SORCS1: variants seen among roughly 807,000 people sequenced by gnomAD.
SORCS1 encodes VPS10 domain-containing receptor SorCS1.
SORCS1 carries 60 observed loss-of-function variants against 146.1 expected under a neutral mutation model. That is an observed-to-expected ratio of 0.41 (90% CI 0.33 to 0.51). SORCS1 has a LOEUF of 0.51. Among genes scored for constraint, SORCS1 ranks in the 20% least tolerant of loss-of-function variants. The probability of loss-of-function intolerance (pLI) is 0.21; values close to 1 mark genes in which losing one functional copy is unlikely to be tolerated. For missense variants in SORCS1, 1,352 were observed against 1,487.6 expected, an observed-to-expected ratio of 0.91 and a Z score of 1.50; for synonymous variants, 637 against 584.0, an observed-to-expected ratio of 1.09 and a Z score of -1.31.
intron 1 of SORCS1, among the ~76,000 whole-genome samples, chr10:107,053,506 T>C (rs1960325016): frequency 6.6e-6 from 1 of 152,180 alleles, no homozygotes; most frequent in South Asian, 2.1e-4. Context: ...AGTTGTATAT[T>C]TCTTCTTCAA....
intron 1 of SORCS1, among the ~76,000 whole-genome samples, chr10:107,040,318 TCAG>T (rs1959097666): frequency 6.6e-6 from 1 of 152,202 alleles, no homozygotes; most frequent in South Asian, 2.1e-4. Flanking sequence ...AGTAGGAACG[TCAG>T]CGGCAATTTT....
chr10:106,975,700 T>C (rs1054899085), intron 1 of SORCS1, among the ~76,000 whole-genome samples: 4 of 152,188 alleles, frequency 2.6e-5, no homozygotes, highest in African/African-American at 9.7e-5. Context: ...ACATCCAAAG[T>C]CCTTTCTATA....
chr10:106,968,987 G>A (rs1363645159), intron 1 of SORCS1, among the ~76,000 whole-genome samples: 2 of 152,152 alleles, frequency 1.3e-5, no homozygotes, highest in African/African-American at 4.8e-5. Flanking sequence ...TTGTCTGAGT[G>A]CTAAGGTGTG....
At chr10:107,044,512 TAA>T (rs59253149) in intron 1 of SORCS1, among the ~76,000 whole-genome samples, 9 of 74,086 alleles carry the variant, frequency 1.2e-4, no homozygotes, top group African/African-American at 2.8e-4. Context: ...TTCTAATTTG[TAA>T]AAAAAAAAAA....
At position 106,577,572 on chromosome 10, in the gene SORCS1, A is replaced by C. The variant is rs779959443; in HGVS notation, c.3372-17T>G. On this transcript the variant is annotated splice_polypyrimidine_tract_variant and intron_variant, in intron 25 of 25. Transcript: ENST00000263054. ...GCTACTCTCCTAAGAGAAAACGTGTAACACTTACTCATTTAATGACACTGG... is the reference window on the plus strand; with the variant it reads ...GCTACTCTCCTAAGAGAAAACGTGTCACACTTACTCATTTAATGACACTGG... 4 of 1,610,422 alleles carry C rather than the reference A, an allele frequency of 2.5e-6. No homozygotes were observed. The Admixed American group carries it at 6.7e-5, about 27-fold the overall frequency.
intron 1 of SORCS1, among the ~76,000 whole-genome samples, chr10:107,063,989 A>C (rs1333377331): frequency 6.6e-6 from 1 of 152,216 alleles, no homozygotes; most frequent in Non-Finnish European, 1.5e-5. Context: ...AACACTTTCT[A>C]GGCCTCATTG....
intron 24 of SORCS1, among the ~76,000 whole-genome samples, chr10:106,582,219 G>T (rs7896184): frequency 2.0e-5 from 3 of 151,900 alleles, no homozygotes; most frequent in East Asian, 3.9e-4. Context: ...GTTGTCTTTC[G>T]ATTCTAAATC....
At chr10:106,987,734 C>A (rs1475888419) in intron 1 of SORCS1, among the ~76,000 whole-genome samples, 1 of 152,196 alleles carries the variant, frequency 6.6e-6, no homozygotes, top group East Asian at 1.9e-4. Context: ...ATAATTATTA[C>A]CTGCAGAAAA....
At chr10:106,712,066 T>G (rs1277859255) in intron 6 of SORCS1, among the ~76,000 whole-genome samples, 1 of 152,226 alleles carries the variant, frequency 6.6e-6, no homozygotes, top group African/African-American at 2.4e-5. Flanking sequence ...ATGTTCCATC[T>G]TGGTTTTTCT....
intron 5 of SORCS1, among the ~76,000 whole-genome samples, chr10:106,730,516 A>G (rs1227809918): frequency 6.6e-6 from 1 of 152,092 alleles, no homozygotes; most frequent in East Asian, 1.9e-4. Context: ...GATCTAATTA[A>G]TTTTTTCACT....
chr10:107,107,241 A>T (rs1965371547), intron 1 of SORCS1, among the ~76,000 whole-genome samples: 1 of 152,242 alleles, frequency 6.6e-6, no homozygotes, highest in African/African-American at 2.4e-5. Context: ...TCTCAGAAAA[A>T]AAGAAGAGAT....
intron 1 of SORCS1, among the ~76,000 whole-genome samples, chr10:107,153,810 C>G (rs1420383393): frequency 6.6e-6 from 1 of 152,072 alleles, no homozygotes; most frequent in Non-Finnish European, 1.5e-5. Flanking sequence ...AAGCAATACA[C>G]ATTTATTAAG....
intron 19 of SORCS1, among the ~76,000 whole-genome samples, chr10:106,622,547 A>G (rs1387103383): frequency 6.6e-6 from 1 of 152,192 alleles, no homozygotes; most frequent in African/African-American, 2.4e-5. Context: ...CCCTCTTTAG[A>G]GAATGAAAAG....
intron 2 of SORCS1, among the ~76,000 whole-genome samples, chr10:106,912,916 G>A (rs1267587714): frequency 6.6e-6 from 1 of 151,970 alleles, no homozygotes; most frequent in African/African-American, 2.4e-5. Flanking sequence ...TCCAGACCTC[G>A]TGATCCACCC....
chr10:107,080,585 A>G (rs1357377169), intron 1 of SORCS1, among the ~76,000 whole-genome samples: 1 of 152,222 alleles, frequency 6.6e-6, no homozygotes, highest in Non-Finnish European at 1.5e-5. Context: ...TTTTATAAAG[A>G]GCTTGGTATG....
At chr10:106,807,946 A>G (rs1947268246) in intron 3 of SORCS1, among the ~76,000 whole-genome samples, 1 of 152,266 alleles carries the variant, frequency 6.6e-6, no homozygotes, top group Non-Finnish European at 1.5e-5. Flanking sequence ...GAGTCCTTCA[A>G]AAGCCTCTCA....
chr10:106,828,396 C>A (rs958251255), intron 3 of SORCS1, among the ~76,000 whole-genome samples: 1 of 152,162 alleles, frequency 6.6e-6, no homozygotes, highest in African/African-American at 2.4e-5. Flanking sequence ...TCCAGAGCAA[C>A]AGTGGTGGGG....
intron 3 of SORCS1, among the ~76,000 whole-genome samples, chr10:106,801,334 A>C (rs2136645073): frequency 6.6e-6 from 1 of 152,278 alleles, no homozygotes; most frequent in South Asian, 2.1e-4. Flanking sequence ...TTGGGGAATT[A>C]AGAAAAATTT....
chr10:107,089,207 C>T (rs888374829), intron 1 of SORCS1, among the ~76,000 whole-genome samples: 1 of 151,876 alleles, frequency 6.6e-6, no homozygotes, highest in Non-Finnish European at 1.5e-5. Context: ...GTTTTGCTGG[C>T]GTCTTTGTTA....
Sources: gnomAD v4.1 joint callset for allele counts (sites outside exome capture counted in the v4.1 genomes callset) on GRCh38, gnomAD v4.1.1 for gene constraint, MANE v1.5 for transcripts, NCBI Gene and HGNC (gene_info 2026-07-23, HGNC 2026-07-21) for gene names.